The following SUPT3H variants were observed in gnomAD, a reference collection of about 807,000 sequenced individuals.
SUPT3H encodes transcription initiation protein SPT3 homolog.
In SUPT3H, 44 loss-of-function variants were observed where a neutral mutation model predicts 44.3. The ratio of observed to expected loss-of-function variants is 0.99; its 90% CI spans 0.78 to 1.28. The LOEUF (loss-of-function observed/expected upper bound fraction) is 1.28. Ranked by LOEUF, SUPT3H falls within the 50% of genes most tolerant of loss-of-function variation. The pLI, the probability that SUPT3H is intolerant of heterozygous loss-of-function variation, is 0.00. For synonymous variants in SUPT3H, 124 were observed against 125.6 expected, an observed-to-expected ratio of 0.99 and a Z score of 0.09; for missense variants, 380 against 387.1, an observed-to-expected ratio of 0.98 and a Z score of 0.15.
intron 6 of SUPT3H, among the ~76,000 whole-genome samples, chr6:44,989,966 C>CT (rs1437745642): frequency 6.6e-6 from 1 of 151,980 alleles, no homozygotes; most frequent in African/African-American, 2.4e-5. Flanking sequence ...ATATTGTTGA[C>CT]TTTTTCCTTT....
intron 10 of SUPT3H, among the ~76,000 whole-genome samples, chr6:44,907,001 T>C (rs926195693): frequency 2.6e-5 from 4 of 152,208 alleles, no homozygotes; most frequent in African/African-American, 9.7e-5. Context: ...GTGATTAACG[T>C]CATTGTTTTC....
intron 6 of SUPT3H, among the ~76,000 whole-genome samples, chr6:44,985,651 C>T (rs780540171): frequency 5.3e-5 from 8 of 152,146 alleles, no homozygotes; most frequent in African/African-American, 1.2e-4. Context: ...ACCAGTATTA[C>T]GCAAAATTCT....
At chr6:44,837,766 AT>A (rs1219656025) in intron 10 of SUPT3H, among the ~76,000 whole-genome samples, 3 of 152,228 alleles carry the variant, frequency 2.0e-5, no homozygotes, top group Non-Finnish European at 4.4e-5. Context: ...GTCTATAAAC[AT>A]TTTAGGTTCA....
At chr6:44,848,366 G>C (rs1179182225) in intron 10 of SUPT3H, among the ~76,000 whole-genome samples, 1 of 151,960 alleles carries the variant, frequency 6.6e-6, no homozygotes, top group East Asian at 1.9e-4. Context: ...GAGCCACTTG[G>C]GGAACTTTTA....
At chr6:45,041,430 G>T (rs1194237375) in intron 3 of SUPT3H, among the ~76,000 whole-genome samples, 49 of 152,092 alleles carry the variant, frequency 3.2e-4, no homozygotes, top group Admixed American at 3.2e-3. Context: ...AAAGACTTCT[G>T]GACAGCAAAT....
chr6:45,295,916 C>T lies in SUPT3H; in HGVS notation c.101+69285G>A, dbSNP rs187923142. 6.4e-4 allele frequency among the ~76,000 whole-genome samples: 97 copies of T among 152,046 alleles called. 1 individual carries two copies. The highest frequency in any genetic ancestry group is 2.2e-3 in the African/African-American group (93 of 41,482). ...AGTAAAACCACTATGGAAAATGGTA[C>T]GGAGATTCTTTAAAGAACTAAAAGT... On this transcript the variant is annotated intron_variant, in intron 2 of 10. Transcript: ENST00000371459.
chr6:45,174,275 C>T (rs1450420986), intron 2 of SUPT3H, among the ~76,000 whole-genome samples: 1 of 152,126 alleles, frequency 6.6e-6, no homozygotes, highest in African/African-American at 2.4e-5. Flanking sequence ...TGATGTGATC[C>T]TCAGGTTTGT....
intron 2 of SUPT3H, among the ~76,000 whole-genome samples, chr6:45,122,451 T>A (rs1801813856): frequency 6.6e-6 from 1 of 152,182 alleles, no homozygotes; most frequent in Non-Finnish European, 1.5e-5. Flanking sequence ...GAAAAAAGGT[T>A]TTTAAATAAA....
chr6:45,204,021 G>A (rs1419813227), intron 2 of SUPT3H, among the ~76,000 whole-genome samples: 1 of 152,134 alleles, frequency 6.6e-6, no homozygotes, highest in African/African-American at 2.4e-5. Flanking sequence ...GCCGAAGCTG[G>A]AGGATCACTT....
chr6:45,083,535 C>A (rs1796101474), intron 3 of SUPT3H, among the ~76,000 whole-genome samples: 1 of 151,982 alleles, frequency 6.6e-6, no homozygotes, highest in South Asian at 2.1e-4. Flanking sequence ...AAGCAGGGTA[C>A]AGATTCAATG....
At chr6:45,078,277 T>C (rs941181061) in intron 3 of SUPT3H, among the ~76,000 whole-genome samples, 12 of 152,242 alleles carry the variant, frequency 7.9e-5, no homozygotes, top group African/African-American at 2.9e-4. Context: ...AATTAAATGT[T>C]GGTCACATAA....
chr6:45,169,617 A>G (rs1810456707), intron 2 of SUPT3H, among the ~76,000 whole-genome samples: 1 of 152,218 alleles, frequency 6.6e-6, no homozygotes, highest in Non-Finnish European at 1.5e-5. Flanking sequence ...AGAGTCTTTT[A>G]AAAGCATTTT....
chr6:44,861,245 T>G (rs1774609507), intron 10 of SUPT3H, among the ~76,000 whole-genome samples: 1 of 152,036 alleles, frequency 6.6e-6, no homozygotes, highest in Admixed American at 6.5e-5. Flanking sequence ...CCTGGCTAGT[T>G]GTTTTATTTT....
At position 45,334,866 on chromosome 6, in the gene SUPT3H, A is replaced by C. The variant is rs2150102778; in HGVS notation, c.101+30335T>G. On this transcript the variant is annotated intron_variant, in intron 2 of 10. Coordinates refer to ENST00000371459, the MANE Select transcript of SUPT3H (RefSeq NM_003599.4). ...ACAAATGTCAATCTATAAAACCAGT[A>C]ACAGGGATTAGGCATCTACTAGGAA... Among the ~76,000 whole-genome samples the C allele has an allele frequency of 1.3e-5, 2 of 151,408 alleles. 1 individual carries two copies. The highest frequency in any genetic ancestry group is 3.0e-5 in the Non-Finnish European group (2 of 67,368).
chr6:45,204,598 T>C (rs1192878823), intron 2 of SUPT3H, among the ~76,000 whole-genome samples: 2 of 152,214 alleles, frequency 1.3e-5, no homozygotes, highest in Non-Finnish European at 2.9e-5. Flanking sequence ...CAATCTTATG[T>C]GTTTTTAACA....
At chr6:45,247,586 T>C (rs1488835565) in intron 2 of SUPT3H, among the ~76,000 whole-genome samples, 2 of 152,098 alleles carry the variant, frequency 1.3e-5, no homozygotes, top group East Asian at 3.8e-4. Context: ...ATTACTACAA[T>C]TCACTGCTGG....
At chr6:45,246,529 A>G (rs1456962222) in intron 2 of SUPT3H, among the ~76,000 whole-genome samples, 1 of 152,202 alleles carries the variant, frequency 6.6e-6, no homozygotes, top group Non-Finnish European at 1.5e-5. Context: ...AATTATGAAA[A>G]GCATTTGCTC....
At chr6:45,346,963 G>A (rs1233743333) in intron 2 of SUPT3H, among the ~76,000 whole-genome samples, 1 of 151,954 alleles carries the variant, frequency 6.6e-6, no homozygotes, top group Non-Finnish European at 1.5e-5. Flanking sequence ...CTTAGCAAAG[G>A]GACGTGGTAA....
intron 6 of SUPT3H, among the ~76,000 whole-genome samples, chr6:44,964,214 C>T (rs188007995): frequency 1.2e-3 from 183 of 152,088 alleles, no homozygotes; most frequent in Admixed American, 0.01. Context: ...TGAACAAATG[C>T]GACTGTTTTA....
Sources: gnomAD v4.1 joint callset for allele counts (sites outside exome capture counted in the v4.1 genomes callset) on GRCh38, gnomAD v4.1.1 for gene constraint, MANE v1.5 for transcripts, NCBI Gene and HGNC (gene_info 2026-07-23, HGNC 2026-07-21) for gene names.